The following ETV6 variants were observed in gnomAD, a reference collection of about 807,000 sequenced individuals.
ETV6 encodes the protein ETS variant transcription factor 6.
ETV6 carries 16 observed loss-of-function variants against 51.1 expected under a neutral mutation model. The observed-to-expected ratio is 0.31, with a 90% CI of 0.21 to 0.48. The LOEUF is 0.48. Among genes scored for constraint, ETV6 ranks in the 20% least tolerant of loss-of-function variants. The pLI is 0.99. For synonymous variants in ETV6, 240 were observed against 224.1 expected (o/e 1.07, Z -0.64); for missense variants, 458 against 594.8 (o/e 0.77, Z 2.39).
intron 5 of ETV6, among the ~76,000 whole-genome samples, chr12:11,875,295 G>A (rs1946965967): frequency 6.6e-6 from 1 of 152,208 alleles, no homozygotes; most frequent in Admixed American, 6.5e-5. Context: ...TTTAGCACAA[G>A]ACGGAGTGAG....
rs552993106 is a variant in ETV6, at chr12:11,883,196, G to T, written c.1010-1249G>T. On this transcript the variant is annotated intron_variant, in intron 5 of 7. Coordinates refer to ENST00000396373, the MANE Select transcript of ETV6 (RefSeq NM_001987.5). Reference sequence around the variant, plus strand: ...GTCCCCAGCTGCCTCTCCAGGTTCTGCTGGAGGGCAACCACACACCTTCAC... The same window carrying T: ...GTCCCCAGCTGCCTCTCCAGGTTCTTCTGGAGGGCAACCACACACCTTCAC... Among the ~76,000 whole-genome samples, 3 of 150,606 alleles carry T rather than the reference G, an allele frequency of 2.0e-5. No homozygotes were observed. The East Asian group carries it at 5.9e-4, about 30-fold the overall frequency.
intron 3 of ETV6, among the ~76,000 whole-genome samples, chr12:11,842,094 A>G (rs1385082734): frequency 6.6e-6 from 1 of 151,626 alleles, no homozygotes; most frequent in African/African-American, 2.4e-5. Flanking sequence ...AAAAAAAAAA[A>G]AAAAGAAGAA....
chr12:11,654,350 G>A (rs1356718098), intron 1 of ETV6, among the ~76,000 whole-genome samples: 1 of 152,128 alleles, frequency 6.6e-6, no homozygotes, highest in African/African-American at 2.4e-5. Context: ...ATTTTTTACA[G>A]GGAGGGGATC....
rs371708080 is a variant in ETV6, at chr12:11,706,037, G to A, written c.34-46413G>A. Among the ~76,000 whole-genome samples the A allele has an allele frequency of 1.4e-4, 22 of 152,356 alleles. No individual in the cohort carries two copies. The East Asian group carries it at 3.3e-3, about 23-fold the overall frequency. ...GGTTTTCAAATCTTTGGAGGGCCTT[G>A]GTCTTAGTGGCTCAGAGGTCCCCTG... On this transcript the variant is annotated intron_variant, in intron 1 of 7. Transcript: ENST00000396373.
At chr12:11,811,143 A>T (rs1241091555) in intron 2 of ETV6, among the ~76,000 whole-genome samples, 2 of 152,028 alleles carry the variant, frequency 1.3e-5, no homozygotes, top group Admixed American at 1.3e-4. Flanking sequence ...CATTGCCCGG[A>T]TATTGCTTAT....
chr12:11,843,899 T>G lies in ETV6; in HGVS notation c.328+4595T>G, dbSNP rs543881876. ...ATTTTCTTTGGAATAGTCTCCCAGT[T>G]GGAGGATATAACAGATGACAAGTTT... On this transcript the variant is annotated intron_variant, in intron 3 of 7. Transcript: ENST00000396373. 1.1e-4 allele frequency among the ~76,000 whole-genome samples: 17 copies of G among 152,216 alleles called. No individual in the cohort carries two copies. The South Asian group carries it at 2.9e-3, about 26-fold the overall frequency.
chr12:11,850,325 A>T (rs1946532128), intron 3 of ETV6, among the ~76,000 whole-genome samples: 1 of 151,994 alleles, frequency 6.6e-6, no homozygotes, highest in South Asian at 2.1e-4. Context: ...CACGTGTCAG[A>T]CCCCCAGAGG....
chr12:11,727,229 TTGTC>T (rs1360624374), intron 1 of ETV6, among the ~76,000 whole-genome samples: 17 of 152,186 alleles, frequency 1.1e-4, no homozygotes, highest in African/African-American at 2.9e-4. Flanking sequence ...AATGGGGAGT[TTGTC>T]TGACTCCCAG....
intron 1 of ETV6, among the ~76,000 whole-genome samples, chr12:11,687,369 C>T (rs936644232): frequency 2.0e-5 from 3 of 150,436 alleles, no homozygotes; most frequent in Admixed American, 6.6e-5. Flanking sequence ...TTAGTAAAAA[C>T]GAGGTTTCAC....
intron 2 of ETV6, among the ~76,000 whole-genome samples, chr12:11,754,612 G>T (rs1944979561): frequency 6.6e-6 from 1 of 152,220 alleles, no homozygotes; most frequent in Non-Finnish European, 1.5e-5. Context: ...GTGTTGACAA[G>T]AAAATGTTTA....
chr12:11,849,806 C>T (rs927000820), intron 3 of ETV6, among the ~76,000 whole-genome samples: 1 of 152,186 alleles, frequency 6.6e-6, no homozygotes, highest in African/African-American at 2.4e-5. Flanking sequence ...TTGAGTCAAT[C>T]TAGGAAACCT....
At chr12:11,692,531 C>A (rs1864787491) in intron 1 of ETV6, among the ~76,000 whole-genome samples, 2 of 152,106 alleles carry the variant, frequency 1.3e-5, no homozygotes, top group African/African-American at 4.8e-5. Flanking sequence ...ACAGTTAATG[C>A]CTGTTGACTT....
chr12:11,701,569 A>C (rs899418882), intron 1 of ETV6, among the ~76,000 whole-genome samples: 2 of 152,218 alleles, frequency 1.3e-5, no homozygotes, highest in South Asian at 4.1e-4. Flanking sequence ...TCCCAAAGCG[A>C]AACTTCCAAA....
At chr12:11,675,189 A>G (rs1483246862) in intron 1 of ETV6, among the ~76,000 whole-genome samples, 1 of 152,140 alleles carries the variant, frequency 6.6e-6, no homozygotes, top group Admixed American at 6.5e-5. Context: ...GTAACCCCCA[A>G]GCACCTGTAG....
chr12:11,827,220 C>A (rs538724698), intron 2 of ETV6, among the ~76,000 whole-genome samples: 72 of 152,144 alleles, frequency 4.7e-4, no homozygotes, highest in African/African-American at 1.6e-3. Flanking sequence ...TTTCATCCTG[C>A]CTGTGTGTCA....
intron 1 of ETV6, among the ~76,000 whole-genome samples, chr12:11,727,979 C>T (rs986505221): frequency 1.3e-5 from 2 of 152,158 alleles, no homozygotes; most frequent in African/African-American, 2.4e-5. Flanking sequence ...GCCACCACGC[C>T]TGGCTAATTT....
chr12:11,801,069 CTT>C (rs1332288109), intron 2 of ETV6, among the ~76,000 whole-genome samples: 14 of 152,148 alleles, frequency 9.2e-5, no homozygotes, highest in African/African-American at 3.1e-4. Context: ...CAAAAGTGAG[CTT>C]TATTCATCGA....
At position 11,891,053 on chromosome 12, in the gene ETV6, C is replaced by T. The variant is rs1189774894; in HGVS notation, c.*7C>T. On this transcript the variant is annotated 3_prime_UTR_variant, in exon 8 of 8. Coordinates refer to ENST00000396373, the MANE Select transcript of ETV6 (RefSeq NM_001987.5). ...CCAAGAAGATGAATGCTGAAGGAACCAACAGTCCACCTCAGCGGGCCAGCA... is the reference window on the plus strand; with the variant it reads ...CCAAGAAGATGAATGCTGAAGGAACTAACAGTCCACCTCAGCGGGCCAGCA... The T allele has an allele frequency of 1.2e-6, 2 of 1,605,748 alleles. No individual in the cohort carries two copies. Among genetic ancestry groups the T allele is most frequent in the African/African-American group, 1.3e-5 (1 of 74,750 alleles).
Position 11,760,808 on chromosome 12 carries a change from C to A in ETV6, c.163+8229C>A, listed in dbSNP as rs146074911. 8.6e-5 allele frequency among the ~76,000 whole-genome samples: 13 copies of A among 151,692 alleles called. No individual in the cohort carries two copies. In the East Asian group the frequency reaches 2.5e-3, roughly 29 times the overall value. ...GTCAACCGTGTTTAAGATCATAAAGCCACTCTAGAGAATCTCTGTGGCATT... is the reference window on the plus strand; with the variant it reads ...GTCAACCGTGTTTAAGATCATAAAGACACTCTAGAGAATCTCTGTGGCATT... On this transcript the variant is annotated intron_variant, in intron 2 of 7. Coordinates refer to ENST00000396373, the MANE Select transcript of ETV6 (RefSeq NM_001987.5).
Sources: allele counts gnomAD v4.1 joint callset (sites outside exome capture counted in the v4.1 genomes callset), GRCh38; gene constraint gnomAD v4.1.1; transcripts MANE v1.5; gene names NCBI Gene and HGNC (gene_info 2026-07-23, HGNC 2026-07-21).